EXOC5: variants seen among roughly 807,000 people sequenced by gnomAD.
The protein encoded by EXOC5 is SEC10-like 1.
In EXOC5, 17 loss-of-function variants were observed where a neutral mutation model predicts 90.8. That is an observed-to-expected ratio of 0.19 (90% CI 0.13 to 0.28). EXOC5 has a LOEUF of 0.28. Among genes scored for constraint, EXOC5 ranks in the 10% least tolerant of loss-of-function variants. The pLI, the probability that EXOC5 is intolerant of heterozygous loss-of-function variation, is 1.00. For synonymous variants in EXOC5, 260 were observed against 270.0 expected (o/e 0.96, Z 0.36); for missense variants, 569 against 830.6 (o/e 0.69, Z 3.87).
At chr14:57,253,364 A>G (rs1022838110) in intron 1 of EXOC5, among the ~76,000 whole-genome samples, 59 of 152,348 alleles carry the variant, frequency 3.9e-4, no homozygotes, top group African/African-American at 1.3e-3. Context: ...AGTGCAAACT[A>G]TAATACTTCG....
rs1882732509 is a variant in EXOC5 at position 57,208,663 on chromosome 14, G to A, written c.2073C>T (p.Phe691=). Residue 691 remains phenylalanine, a synonymous_variant, in exon 18 of 18, where the codon TTC becomes TTT. Coordinates refer to ENST00000621441, the MANE Select transcript of EXOC5 (RefSeq NM_006544.4). The part of the protein sequence containing the change: ...ANLDKNILHS[F]VQLRADYRSA... The stretch of plus-strand genomic sequence containing the variant: ...ATCTATAATCAGCACGAAGTTGTAC[G>A]AAGGAGTGAAGTATATTCTTGTCCA... 11 of 1,611,560 alleles carry A rather than the reference G, an allele frequency of 6.8e-6. No homozygotes were observed. The highest frequency in any genetic ancestry group is 2.2e-5 in the East Asian group (1 of 44,858).
chr14:57,251,510 A>G (rs1488308669), intron 1 of EXOC5, among the ~76,000 whole-genome samples: 2 of 152,236 alleles, frequency 1.3e-5, no homozygotes, highest in Non-Finnish European at 1.5e-5. Context: ...CACAACATAC[A>G]AAAACATAGG....
At position 57,204,130 on chromosome 14, in the gene EXOC5, C is replaced by T. The variant is rs955330121; in HGVS notation, c.*4479G>A. 1.2e-4 allele frequency: 18 copies of T among 152,046 alleles called. No homozygotes were observed. Among genetic ancestry groups the T allele is most frequent in the East Asian group, 1.9e-4 (1 of 5,196 alleles). 9.4% of individuals were successfully genotyped at this position (152,046 alleles called of 1,614,324 possible). On this transcript the variant is annotated 3_prime_UTR_variant, in exon 18 of 18. Coordinates refer to ENST00000621441, the MANE Select transcript of EXOC5 (RefSeq NM_006544.4). ...ATTACTCATCTTTCCCCCCAAAAGT[C>T]GATAATCACAAAACAAAGGTTAATG... is the stretch of plus-strand genomic sequence containing the variant.
chr14:57,230,607 G>C (rs1255872201), intron 11 of EXOC5, among the ~76,000 whole-genome samples: 5 of 152,110 alleles, frequency 3.3e-5, no homozygotes, highest in Non-Finnish European at 5.9e-5. Flanking sequence ...TATACATGTG[G>C]GGATTCTGGA....
chr14:57,216,719 A>G (rs1882986642), intron 15 of EXOC5, among the ~76,000 whole-genome samples: 1 of 152,216 alleles, frequency 6.6e-6, no homozygotes, highest in East Asian at 1.9e-4. Flanking sequence ...GTTTCTTGAC[A>G]TTGATGTTGG....
intron 1 of EXOC5, among the ~76,000 whole-genome samples, chr14:57,258,629 T>C (rs1566506672): frequency 3.3e-5 from 5 of 152,288 alleles, no homozygotes; most frequent in African/African-American, 1.2e-4. Flanking sequence ...CAAACCACCA[T>C]GGCATGTGTA....
intron 3 of EXOC5, among the ~76,000 whole-genome samples, chr14:57,245,750 A>T (rs1884013409): frequency 6.6e-6 from 1 of 152,090 alleles, no homozygotes; most frequent in Non-Finnish European, 1.5e-5. Context: ...CAATATTCCA[A>T]ACTACACTAA....
At chr14:57,225,602 A>AG (rs1566728611) in intron 12 of EXOC5, among the ~76,000 whole-genome samples, 1 of 148,484 alleles carries the variant, frequency 6.7e-6, no homozygotes, top group Non-Finnish European at 1.5e-5. Context: ...AAAAAAAAAA[A>AG]AGGCAAATAG....
At chr14:57,235,106 T>C (rs529092086) in intron 7 of EXOC5, among the ~76,000 whole-genome samples, 2 of 152,290 alleles carry the variant, frequency 1.3e-5, no homozygotes, top group South Asian at 4.1e-4. Flanking sequence ...ATTCAGATTT[T>C]ACCAAAATGA....
intron 17 of EXOC5, among the ~76,000 whole-genome samples, 185 bp from the exon 18 acceptor site, chr14:57,208,982 TATA>T (rs1882743426): frequency 6.6e-6 from 1 of 152,188 alleles, no homozygotes; most frequent in South Asian, 2.1e-4. Flanking sequence ...ATAAACTTGC[TATA>T]ATATTTCAAA....
At position 57,201,433 on chromosome 14, in the gene EXOC5, C is replaced by CACACGTGTGTATATAT. The variant is rs1566720392; in HGVS notation, c.*7175_*7176insATATATACACACGTGT. 1.2e-5 allele frequency: 1 copy of CACACGTGTGTATATAT among 82,896 alleles called. No individual in the cohort carries two copies. The highest frequency in any genetic ancestry group is 2.1e-5 in the Non-Finnish European group (1 of 48,054). The allele number at this position is 82,896 out of a possible 1,614,324, so 5.1% of individuals were successfully genotyped here. A position where few individuals can be genotyped will look rare whatever the true frequency, so the allele number is the denominator to read the frequency against. ...ATTCTGATTAGTATATATATATACACACACACACGTGTGTATATATACACA... is the reference window on the plus strand; with the variant it reads ...ATTCTGATTAGTATATATATATACACACACGTGTGTATATATACACACACGTGTGTATATATACACA... On this transcript the variant is annotated 3_prime_UTR_variant, in exon 18 of 18. Coordinates refer to ENST00000621441, the MANE Select transcript of EXOC5 (RefSeq NM_006544.4).
rs1168164599 is a variant in EXOC5, at chr14:57,204,492, C to T, written c.*4117G>A. The T allele has an allele frequency of 6.6e-6, 1 of 152,126 alleles. No individual in the cohort carries two copies. The highest frequency in any genetic ancestry group is 1.5e-5 in the Non-Finnish European group (1 of 67,938). 9.4% of individuals were successfully genotyped at this position (152,126 alleles called of 1,614,324 possible). ...CCAGCATTAGTCATTTAAAAACTAC[C>T]AATGTACTAAATAGTTAACACAATT... On this transcript the variant is annotated 3_prime_UTR_variant, in exon 18 of 18. Transcript: ENST00000621441.
intron 12 of EXOC5, among the ~76,000 whole-genome samples, chr14:57,225,100 T>C (rs1371543282): frequency 6.6e-6 from 1 of 151,972 alleles, no homozygotes; most frequent in Non-Finnish European, 1.5e-5. Context: ...AACACAGATG[T>C]TAAAATTCTT....
intron 10 of EXOC5, chr14:57,232,065 G>C (rs1213013196): frequency 5.4e-6 from 1 of 183,820 alleles, no homozygotes; most frequent in Non-Finnish European, 1.1e-5. Flanking sequence ...AAGATCTACT[G>C]TCTGTTCACC....
In EXOC5 at chr14:57,200,865, C is replaced by T. The variant is rs552385502; in HGVS notation, c.*7744G>A. ...AATTTTTACAGGATTTCTGCAATGA[C>T]CATTCTTATTCCCTCAATTTGGTCC... On this transcript the variant is annotated 3_prime_UTR_variant, in exon 18 of 18. Coordinates refer to ENST00000621441, the MANE Select transcript of EXOC5 (RefSeq NM_006544.4). 5 of 151,612 alleles carry T rather than the reference C, an allele frequency of 3.3e-5. No homozygotes were observed. Among genetic ancestry groups the T allele is most frequent in the Admixed American group, 6.6e-5 (1 of 15,196 alleles). 9.4% of individuals were successfully genotyped at this position (151,612 alleles called of 1,614,324 possible). A position where few individuals can be genotyped will look rare whatever the true frequency, so the allele number is the denominator to read the frequency against.
intron 5 of EXOC5, 46 bp from the exon 6 acceptor site, chr14:57,237,412 A>G (rs1183502697): frequency 7.6e-7 from 1 of 1,324,342 alleles, no homozygotes; most frequent in East Asian, 2.5e-5. Context: ...TGTGATAAAC[A>G]TCCTATGGCA....
intron 1 of EXOC5, among the ~76,000 whole-genome samples, chr14:57,252,957 A>G (rs1228300265): frequency 6.6e-6 from 1 of 152,186 alleles, no homozygotes; most frequent in Non-Finnish European, 1.5e-5. Flanking sequence ...TCAGCCATTA[A>G]AAAGAAGGAA....
At chr14:57,228,011 TAC>T (rs60151728) in intron 12 of EXOC5, among the ~76,000 whole-genome samples, 5,612 of 143,952 alleles carry the variant, frequency 0.039, 156 homozygotes, top group African/African-American at 0.074. Flanking sequence ...TATATATACA[TAC>T]ACACACACAC....
At chr14:57,260,121 A>G (rs1884456091) in intron 1 of EXOC5, among the ~76,000 whole-genome samples, 1 of 152,240 alleles carries the variant, frequency 6.6e-6, no homozygotes. Flanking sequence ...TTCGGCCTCT[A>G]CTTTCTAACC....
Sources: gnomAD v4.1 joint callset for allele counts (sites outside exome capture counted in the v4.1 genomes callset) on GRCh38, gnomAD v4.1.1 for gene constraint, MANE v1.5 for transcripts, NCBI Gene and HGNC (gene_info 2026-07-23, HGNC 2026-07-21) for gene names.